IMMP2L: variants seen among roughly 807,000 people sequenced by gnomAD.
IMMP2L encodes the protein mitochondrial inner membrane protease subunit 2.
Under a neutral mutation model 19.3 loss-of-function variants are expected in IMMP2L, and 18 were observed. That is an observed-to-expected ratio of 0.93 (90% CI 0.64 to 1.38). The LOEUF (loss-of-function observed/expected upper bound fraction) is 1.38, where lower values mean the gene tolerates loss of function less well. Ranked by LOEUF, IMMP2L falls within the 40% of genes most tolerant of loss-of-function variation. IMMP2L has a pLI of 0.00. For missense variants in IMMP2L, 233 were observed against 218.2 expected (o/e 1.07, Z -0.43); for synonymous variants, 76 against 73.0 (o/e 1.04, Z -0.21).
At position 111,221,524 on chromosome 7, in the gene IMMP2L, A is replaced by T. The variant is rs143549345; in HGVS notation, c.240-257959T>A. On this transcript the variant is annotated intron_variant, in intron 3 of 5. Transcript: ENST00000405709. ...CAGAGAGAGAGAGAGCAAGAGAGAG[A>T]GAGATAACGTGAGCCTATACACACT... Among the ~76,000 whole-genome samples the T allele has an allele frequency of 6.2e-4, 94 of 152,150 alleles. 1 individual carries two copies. The East Asian group carries it at 0.017, about 28-fold the overall frequency.
intron 3 of IMMP2L, among the ~76,000 whole-genome samples, chr7:111,234,516 C>T (rs2129625827): frequency 6.6e-6 from 1 of 152,178 alleles, no homozygotes; most frequent in South Asian, 2.1e-4. Flanking sequence ...TCTTAATGAA[C>T]TAACCCTTCT....
intron 4 of IMMP2L, among the ~76,000 whole-genome samples, chr7:110,939,464 A>AT: frequency 6.6e-6 from 1 of 151,822 alleles, no homozygotes; most frequent in Non-Finnish European, 1.5e-5. Flanking sequence ...AAGTAATAAG[A>AT]TTTTTTGTGC....
At chr7:111,096,329 C>T (rs572742143) in intron 3 of IMMP2L, among the ~76,000 whole-genome samples, 10 of 151,918 alleles carry the variant, frequency 6.6e-5, no homozygotes, top group Admixed American at 2.0e-4. Flanking sequence ...TGGTCCCTGG[C>T]ATTTCTGAAG....
rs569346269 is a variant in IMMP2L, at chr7:111,557,092, T to A, written c.-3+4759A>T. On this transcript the variant is annotated intron_variant, in intron 1 of 5. Coordinates refer to ENST00000405709, the MANE Select transcript of IMMP2L (RefSeq NM_032549.4). ...GTCACAAAGACCAGCAAATTCTCCC[T>A]CATCTTACTTTTCCTAAACATTCTC... 5.9e-5 allele frequency among the ~76,000 whole-genome samples: 9 copies of A among 152,210 alleles called. No homozygotes were observed. In the East Asian group the frequency reaches 9.7e-4, roughly 16 times the overall value.
At chr7:111,008,598 G>A (rs1824566246) in intron 3 of IMMP2L, among the ~76,000 whole-genome samples, 1 of 151,310 alleles carries the variant, frequency 6.6e-6, no homozygotes, top group Non-Finnish European at 1.5e-5. Context: ...CACACACAAT[G>A]TTGCTGCTAT....
chr7:110,751,637 A>T (rs563952651), intron 5 of IMMP2L, among the ~76,000 whole-genome samples: 1 of 152,226 alleles, frequency 6.6e-6, no homozygotes, highest in Non-Finnish European at 1.5e-5. Flanking sequence ...GCTGCCTCAC[A>T]GCTGTAACAC....
chr7:110,890,289 T>C (rs899658138), intron 4 of IMMP2L, among the ~76,000 whole-genome samples: 2 of 152,174 alleles, frequency 1.3e-5, no homozygotes, highest in African/African-American at 4.8e-5. Context: ...ACTCTATTTG[T>C]GTTTTTACCT....
At chr7:111,100,891 A>G (rs186809794) in intron 3 of IMMP2L, among the ~76,000 whole-genome samples, 1 of 151,734 alleles carries the variant, frequency 6.6e-6, no homozygotes, top group Admixed American at 6.6e-5. Context: ...TTTTAACCTT[A>G]TTCTTTCAGC....
chr7:110,912,587 GT>G (rs76245503), intron 4 of IMMP2L, among the ~76,000 whole-genome samples: 90 of 145,380 alleles, frequency 6.2e-4, no homozygotes, highest in African/African-American at 1.4e-3. Context: ...CACATTTAAA[GT>G]TTTTTTTTTT....
At chr7:111,385,823 CAATT>C (rs901905520) in intron 3 of IMMP2L, among the ~76,000 whole-genome samples, 46 of 152,220 alleles carry the variant, frequency 3.0e-4, no homozygotes, top group African/African-American at 1.1e-3. Context: ...GTGTACATCT[CAATT>C]AATTATCCAC....
chr7:110,837,835 C>T (rs1584982988), intron 5 of IMMP2L, among the ~76,000 whole-genome samples: 1 of 152,258 alleles, frequency 6.6e-6, no homozygotes, highest in East Asian at 1.9e-4. Context: ...AACCGGGAAT[C>T]CCAGCATAAT....
At chr7:111,199,993 CAT>C (rs893543249) in intron 3 of IMMP2L, among the ~76,000 whole-genome samples, 1 of 152,040 alleles carries the variant, frequency 6.6e-6, no homozygotes, top group African/African-American at 2.4e-5. Flanking sequence ...TCTATTAAAA[CAT>C]GACTTTATAT....
intron 5 of IMMP2L, among the ~76,000 whole-genome samples, chr7:110,777,716 G>A (rs1234490411): frequency 6.6e-6 from 1 of 151,830 alleles, no homozygotes; most frequent in Non-Finnish European, 1.5e-5. Flanking sequence ...CAATAGTGGT[G>A]GCTTACAGAT....
At chr7:110,996,969 A>C (rs62464036) in intron 3 of IMMP2L, among the ~76,000 whole-genome samples, 15,517 of 151,796 alleles carry the variant, frequency 0.1, 1,245 homozygotes, top group African/African-American at 0.22. Context: ...ATGTACCACC[A>C]ATGTGCAATT....
At chr7:110,852,337 GCCT>G (rs1420259568) in intron 5 of IMMP2L, among the ~76,000 whole-genome samples, 1 of 151,876 alleles carries the variant, frequency 6.6e-6, no homozygotes, top group Non-Finnish European at 1.5e-5. Flanking sequence ...GAAACATGAG[GCCT>G]CTGAGTCATA....
chr7:111,334,388 T>C (rs1372401241), intron 3 of IMMP2L, among the ~76,000 whole-genome samples: 3 of 152,050 alleles, frequency 2.0e-5, no homozygotes, highest in African/African-American at 7.2e-5. Context: ...CTGTACATGA[T>C]AGGATTTCAT....
At chr7:110,704,215 TTTG>T (rs1235063476) in intron 5 of IMMP2L, among the ~76,000 whole-genome samples, 1 of 152,184 alleles carries the variant, frequency 6.6e-6, no homozygotes, top group Non-Finnish European at 1.5e-5. Flanking sequence ...CATAACTATA[TTTG>T]TTAACCATGC....
intron 3 of IMMP2L, among the ~76,000 whole-genome samples, chr7:111,421,276 T>C (rs1221750579): frequency 1.6e-5 from 2 of 121,724 alleles, no homozygotes; most frequent in East Asian, 2.0e-4. Flanking sequence ...TCTTTTTTTT[T>C]TTTTTTTTTT....
chr7:111,418,864 A>C (rs1835197388), intron 3 of IMMP2L, among the ~76,000 whole-genome samples: 1 of 151,880 alleles, frequency 6.6e-6, no homozygotes, highest in Non-Finnish European at 1.5e-5. Flanking sequence ...AAAATGCCCA[A>C]TAGCTAAATG....
Sources: gnomAD v4.1 joint callset for allele counts (sites outside exome capture counted in the v4.1 genomes callset) on GRCh38, gnomAD v4.1.1 for gene constraint, MANE v1.5 for transcripts, NCBI Gene and HGNC (gene_info 2026-07-23, HGNC 2026-07-21) for gene names.